MMP26: variants seen among roughly 807,000 people sequenced by gnomAD.
MMP26 encodes the protein matrix metallopeptidase 26, also known as matrix metalloproteinase-26.
A neutral mutation model predicts 31.0 loss-of-function variants in MMP26; 33 were observed. That is an observed-to-expected ratio of 1.06 (90% CI 0.81 to 1.42). The LOEUF (loss-of-function observed/expected upper bound fraction) is 1.42, where lower values mean the gene tolerates loss of function less well. MMP26 is among the 40% of genes most tolerant of loss of function. The probability of loss-of-function intolerance (pLI) is 0.00; values close to 1 mark genes in which losing one functional copy is unlikely to be tolerated. For synonymous variants in MMP26, 122 were observed against 114.9 expected, an observed-to-expected ratio of 1.06 and a Z score of -0.40; for missense variants, 347 against 316.1, an observed-to-expected ratio of 1.10 and a Z score of -0.74.
intron 2 of MMP26, among the ~76,000 whole-genome samples, chr11:4,892,321 T>G (rs891951167): frequency 6.6e-6 from 1 of 152,200 alleles, no homozygotes; most frequent in African/African-American, 2.4e-5. Context: ...TATCATTAAT[T>G]CTTTAGCAAC....
chr11:4,803,540 T>A (rs750229135), intron 2 of MMP26: 5 of 1,613,932 alleles, frequency 3.1e-6, no homozygotes, highest in South Asian at 1.1e-5. Flanking sequence ...AGATAGAGAT[T>A]AGCAAACAGG....
chr11:4,929,750 TAA>T (rs949387020), intron 2 of MMP26, among the ~76,000 whole-genome samples: 6 of 152,150 alleles, frequency 3.9e-5, no homozygotes, highest in Non-Finnish European at 4.4e-5. Flanking sequence ...GTTAATTATA[TAA>T]GTTTAATTAT....
At chr11:4,840,169 C>A (rs557559284) in intron 2 of MMP26, among the ~76,000 whole-genome samples, 2 of 152,260 alleles carry the variant, frequency 1.3e-5, no homozygotes, top group East Asian at 3.9e-4. Context: ...TAATAGAACA[C>A]CAGGTAGACT....
intron 1 of MMP26, among the ~76,000 whole-genome samples, chr11:4,738,646 G>A (rs541224913): frequency 3.1e-4 from 47 of 152,274 alleles, no homozygotes; most frequent in African/African-American, 1.1e-3. Context: ...TTATGGAATT[G>A]TCAGCCTTTG....
chr11:4,723,680 GCATGTTGCCAAGCTT>G (rs1848052110), intron 1 of MMP26: 13 of 896,578 alleles, frequency 1.4e-5, no homozygotes, highest in Non-Finnish European at 2.3e-5. Flanking sequence ...ATCAGCCCTT[GCATGTTGCCAAGCTT>G]CAGCTTCTCC....
At chr11:4,845,397 G>GA (rs981472799) in intron 2 of MMP26, among the ~76,000 whole-genome samples, 4 of 151,976 alleles carry the variant, frequency 2.6e-5, no homozygotes, top group Non-Finnish European at 4.4e-5. Context: ...CACAGAAATA[G>GA]AAAAAACAAT....
chr11:4,988,349 C>A, intron 3 of MMP26, 39 bp downstream of exon 3: 1 of 1,490,436 alleles, frequency 6.7e-7, no homozygotes. Flanking sequence ...TACATGGTGA[C>A]CATTGTGGGC....
intron 2 of MMP26, among the ~76,000 whole-genome samples, chr11:4,775,322 C>A (rs1223356210): frequency 6.6e-6 from 1 of 152,128 alleles, no homozygotes; most frequent in Non-Finnish European, 1.5e-5. Flanking sequence ...GTTTGTAGTT[C>A]TCCTTGAAGA....
intron 2 of MMP26, chr11:4,769,695 A>G (rs1258425902): frequency 6.2e-7 from 1 of 1,613,028 alleles, no homozygotes; most frequent in Admixed American, 1.7e-5. Flanking sequence ...GAAACAGTCA[A>G]GCCCAGATCA....
At chr11:4,803,348 T>C in intron 2 of MMP26, 1 of 943,004 alleles carries the variant, frequency 1.1e-6, no homozygotes, top group Non-Finnish European at 1.6e-6. Flanking sequence ...GACTTAGTGA[T>C]AATAAGTAAT....
chr11:4,935,397 G>T (rs1391988142), intron 2 of MMP26, among the ~76,000 whole-genome samples: 1 of 151,976 alleles, frequency 6.6e-6, no homozygotes, highest in African/African-American at 2.4e-5. Flanking sequence ...TGATGTATAA[G>T]AATGCTTGTG....
intron 1 of MMP26, among the ~76,000 whole-genome samples, chr11:4,712,853 T>A (rs1393132796): frequency 1.3e-5 from 2 of 152,056 alleles, no homozygotes; most frequent in Non-Finnish European, 2.9e-5. Context: ...TTTTCCCTAC[T>A]ATCTATGTTA....
At chr11:4,885,232 A>G (rs943136242) in intron 2 of MMP26, among the ~76,000 whole-genome samples, 4 of 152,144 alleles carry the variant, frequency 2.6e-5, no homozygotes, top group African/African-American at 9.6e-5. Context: ...TGTCATATAT[A>G]TAATTAAAAT....
chr11:4,837,228 G>T (rs1849731316), intron 2 of MMP26, among the ~76,000 whole-genome samples: 1 of 152,062 alleles, frequency 6.6e-6, no homozygotes, highest in African/African-American at 2.4e-5. Flanking sequence ...TTATTTTTGA[G>T]ACAAGGTCTT....
intron 2 of MMP26, among the ~76,000 whole-genome samples, chr11:4,782,279 G>A (rs1406616149): frequency 6.6e-6 from 1 of 152,192 alleles, no homozygotes; most frequent in Non-Finnish European, 1.5e-5. Flanking sequence ...CCCAGGCTGA[G>A]GTGGTCTTGG....
Position 4,805,260 on chromosome 11 carries a change from T to C in MMP26, c.-145+37919T>C, listed in dbSNP as rs901809161. On this transcript the variant is annotated intron_variant, in intron 2 of 7. Transcript: ENST00000380390. ...CACAAGGGCTTGGGTGGGAAGTTAATCTACTGACCAATTGTACATTTATAA... is the reference window on the plus strand; with the variant it reads ...CACAAGGGCTTGGGTGGGAAGTTAACCTACTGACCAATTGTACATTTATAA... 1.2e-4 allele frequency among the ~76,000 whole-genome samples: 19 copies of C among 152,356 alleles called. No individual in the cohort carries two copies. In the East Asian group the frequency reaches 2.1e-3, roughly 17 times the overall value.
intron 2 of MMP26, among the ~76,000 whole-genome samples, chr11:4,879,121 A>G (rs140183623): frequency 6.6e-6 from 1 of 151,894 alleles, no homozygotes; most frequent in Admixed American, 6.6e-5. Flanking sequence ...GTAATCCCAG[A>G]TACTGGGGAG....
chr11:4,927,718 A>C (rs1851291929), intron 2 of MMP26, among the ~76,000 whole-genome samples: 1 of 152,116 alleles, frequency 6.6e-6, no homozygotes, highest in African/African-American at 2.4e-5. Flanking sequence ...CTACAAGACT[A>C]TTCCGTTTAG....
intron 2 of MMP26, among the ~76,000 whole-genome samples, chr11:4,967,147 G>A (rs1395841447): frequency 2.0e-5 from 3 of 152,180 alleles, no homozygotes; most frequent in African/African-American, 7.2e-5. Flanking sequence ...AGTCAGAAGG[G>A]TAGAAGAAAA....
Sources: gnomAD v4.1 joint callset for allele counts (sites outside exome capture counted in the v4.1 genomes callset) on GRCh38, gnomAD v4.1.1 for gene constraint, MANE v1.5 for transcripts, NCBI Gene and HGNC (gene_info 2026-07-23, HGNC 2026-07-21) for gene names.